ECSCR: variants seen among roughly 807,000 people sequenced by gnomAD.
ECSCR encodes the protein endothelial cell surface expressed chemotaxis and apoptosis regulator.
Under a neutral mutation model 16.7 loss-of-function variants are expected in ECSCR, and 12 were observed. The ratio of observed to expected loss-of-function variants is 0.72; its 90% CI spans 0.46 to 1.17. The LOEUF is 1.17. ECSCR is among the 50% of genes most tolerant of loss of function. The pLI is 0.00. For synonymous variants in ECSCR, 44 were observed against 42.2 expected (o/e 1.04, Z -0.17); for missense variants, 122 against 116.1 (o/e 1.05, Z -0.23).
At chr5:139,457,304 G>T (rs1751179579) in intron 4 of ECSCR, among the ~76,000 whole-genome samples, 1 of 152,142 alleles carries the variant, frequency 6.6e-6, no homozygotes, top group Non-Finnish European at 1.5e-5. Context: ...GGCTTCAGAA[G>T]CTGCTTCTGG....
chr5:139,455,624 G>C (rs1238069646), intron 5 of ECSCR, among the ~76,000 whole-genome samples, 188 bp from the exon 6 acceptor site: 1 of 152,060 alleles, frequency 6.6e-6, no homozygotes, highest in Non-Finnish European at 1.5e-5. Flanking sequence ...TTCTGCTCAG[G>C]CAAGGCTCCA....
At chr5:139,460,312 G>A (rs1217143208) in intron 1 of ECSCR, among the ~76,000 whole-genome samples, 1 of 151,710 alleles carries the variant, frequency 6.6e-6, no homozygotes, top group Non-Finnish European at 1.5e-5. Context: ...ATTTTTGTAT[G>A]TTTAGTAGAG....
chr5:139,457,869 T>C, intron 2 of ECSCR, 62 bp from the exon 3 acceptor site: 1 of 1,522,432 alleles, frequency 6.6e-7, no homozygotes, highest in Non-Finnish European at 8.9e-7. Context: ...CTCCCTCTCT[T>C]GTTCCCTAGA....
intron 8 of ECSCR, among the ~76,000 whole-genome samples, chr5:139,450,341 A>T (rs1430966393): frequency 6.6e-6 from 1 of 152,030 alleles, no homozygotes; most frequent in Admixed American, 6.6e-5. Context: ...TATATCTATT[A>T]AAAAAATTAA....
chr5:139,459,802 C>T (rs950449792), intron 1 of ECSCR, among the ~76,000 whole-genome samples: 4 of 152,220 alleles, frequency 2.6e-5, no homozygotes, highest in African/African-American at 9.6e-5. Flanking sequence ...CAGGGGCCCA[C>T]CCCAGCCTGT....
intron 1 of ECSCR, among the ~76,000 whole-genome samples, chr5:139,460,147 G>A (rs1004990345): frequency 2.8e-5 from 4 of 142,122 alleles, no homozygotes; most frequent in East Asian, 2.0e-4. Flanking sequence ...TTTTTTTTTC[G>A]TTTTGAGACA....
At chr5:139,460,484 AG>A (rs1751274983) in intron 1 of ECSCR, among the ~76,000 whole-genome samples, 1 of 152,146 alleles carries the variant, frequency 6.6e-6, no homozygotes, top group Non-Finnish European at 1.5e-5. Context: ...TTTGGTGGGA[AG>A]GTACAGGGAA....
At chr5:139,451,755 T>G (rs1166539243) in intron 8 of ECSCR, among the ~76,000 whole-genome samples, 1 of 97,298 alleles carries the variant, frequency 1.0e-5, no homozygotes, top group Non-Finnish European at 2.0e-5. Flanking sequence ...GGTATGTGTG[T>G]GGGGAGGGTG....
At chr5:139,459,691 G>A (rs562908940) in intron 1 of ECSCR, among the ~76,000 whole-genome samples, 2 of 152,374 alleles carry the variant, frequency 1.3e-5, no homozygotes, top group South Asian at 4.1e-4. Context: ...CTCTGCTTGA[G>A]CAGGGACTAC....
At chr5:139,457,395 T>G in intron 4 of ECSCR, 150 bp downstream of exon 4, 1 of 684,768 alleles carries the variant, frequency 1.5e-6, no homozygotes, top group South Asian at 1.6e-5. Flanking sequence ...ACCGCAGCCC[T>G]TCTCACCCTG....
intron 3 of ECSCR, 55 bp downstream of exon 3, chr5:139,457,702 C>G: frequency 6.2e-7 from 1 of 1,604,518 alleles, no homozygotes; most frequent in East Asian, 2.2e-5. Flanking sequence ...CCAAGCAGGT[C>G]TGAATGAATG....
intron 1 of ECSCR, among the ~76,000 whole-genome samples, chr5:139,458,760 C>T (rs1466416819): frequency 2.7e-5 from 4 of 149,848 alleles, no homozygotes; most frequent in South Asian, 4.2e-4. Flanking sequence ...GCATGAGAAT[C>T]GCTTGAACCC....
chr5:139,459,027 G>T (rs1486657617), intron 1 of ECSCR, among the ~76,000 whole-genome samples: 1 of 152,068 alleles, frequency 6.6e-6, no homozygotes, highest in African/African-American at 2.4e-5. Context: ...TCAGAGTCCC[G>T]AAGTCCTTCC....
At position 139,449,144 on chromosome 5, in the gene ECSCR, G is replaced by A. The variant is rs1561474004; in HGVS notation, c.543C>T (p.Ser181=). 1 of 1,537,094 alleles carries A rather than the reference G, an allele frequency of 6.5e-7. No individual in the cohort carries two copies. The highest frequency in any genetic ancestry group is 2.4e-5 in the East Asian group (1 of 40,932). ...SCSTANGEKD[S]ITLISMKNIN... ...TGTTCTTCATGGAGATAAGGGTGAT[G>A]CTGTCTTTCTCTCCATTGGCTGTGG... Residue 181 remains serine, a synonymous_variant, in exon 9 of 10, where the codon AGC becomes AGT. Coordinates refer to ENST00000618155, the MANE Select transcript of ECSCR (RefSeq NM_001077693.4).
intron 8 of ECSCR, among the ~76,000 whole-genome samples, chr5:139,452,470 G>GTT (rs2152088542): frequency 1.2e-5 from 1 of 85,324 alleles, no homozygotes; most frequent in East Asian, 3.4e-4. Flanking sequence ...TGTGTGTGTA[G>GTT]TGTGGGGTGT....
chr5:139,452,055 T>C (rs1247470257), intron 8 of ECSCR, among the ~76,000 whole-genome samples: 1 of 147,360 alleles, frequency 6.8e-6, no homozygotes, highest in East Asian at 2.0e-4. Context: ...GTTTGTGGTG[T>C]ATGTGGGGGT....
At position 139,454,931 on chromosome 5, in the gene ECSCR, G is replaced by A; in HGVS notation, c.377-8C>T. ...CAATGAAGCTGATAACACCTGAACA[G>A]AGAAAAGAATGGGGTGAAGGGGGCC... On this transcript the variant is annotated splice_region_variant and splice_polypyrimidine_tract_variant and intron_variant, in intron 6 of 9. Coordinates refer to ENST00000618155, the MANE Select transcript of ECSCR (RefSeq NM_001077693.4). The A allele has an allele frequency of 2.5e-6, 1 of 398,400 alleles. No homozygotes were observed. Among genetic ancestry groups the A allele is most frequent in the Non-Finnish European group, 4.4e-6 (1 of 226,186 alleles). The allele number at this position is 398,400 out of a possible 1,614,324, so 24.7% of individuals were successfully genotyped here.
At chr5:139,455,210 G>A in intron 6 of ECSCR, 113 bp downstream of exon 6, 1 of 395,796 alleles carries the variant, frequency 2.5e-6, no homozygotes, top group Non-Finnish European at 4.4e-6. Context: ...TTATCAGCCA[G>A]AACCTCCTGG....
chr5:139,462,391 A>C (rs892569637), intron 1 of ECSCR, among the ~76,000 whole-genome samples: 4 of 152,200 alleles, frequency 2.6e-5, no homozygotes, highest in African/African-American at 9.6e-5. Flanking sequence ...CAGCTCCCCC[A>C]GGACAATTTC....
Sources: gnomAD v4.1 joint callset for allele counts (sites outside exome capture counted in the v4.1 genomes callset) on GRCh38, gnomAD v4.1.1 for gene constraint, MANE v1.5 for transcripts, NCBI Gene and HGNC (gene_info 2026-07-23, HGNC 2026-07-21) for gene names.